SLC7A11: variants seen among roughly 807,000 people sequenced by gnomAD.
SLC7A11 encodes the protein solute carrier family 7 member 11.
A neutral mutation model predicts 54.5 loss-of-function variants in SLC7A11; 35 were observed. The ratio of observed to expected loss-of-function variants is 0.64; its 90% CI spans 0.49 to 0.85. The LOEUF (loss-of-function observed/expected upper bound fraction) is 0.85. Among genes scored for constraint, SLC7A11 ranks in the 40% least tolerant of loss-of-function variants. SLC7A11 has a pLI of 0.00. For missense variants in SLC7A11, 583 were observed against 618.1 expected, an observed-to-expected ratio of 0.94 and a Z score of 0.60; for synonymous variants, 230 against 225.2, an observed-to-expected ratio of 1.02 and a Z score of -0.19.
At chr4:138,182,036 C>T (rs1221569606) in intron 9 of SLC7A11, among the ~76,000 whole-genome samples, 1 of 152,002 alleles carries the variant, frequency 6.6e-6, no homozygotes, top group Non-Finnish European at 1.5e-5. Context: ...CCAAGCCAAT[C>T]ATTTTCCTTA....
chr4:138,241,967 G>T lies in SLC7A11; in HGVS notation c.103C>A (p.Gln35Lys). ...PSLGNKEPPG[Q>K]EKVQLKRKVT... ...TTCCTCTTCAGCTGCACTTTCTCCT[G>T]CCCAGGTGGCTCCTTGTTGCCCAGG... Residue 35 changes from glutamine to lysine, a missense_variant, in exon 1 of 12, where the codon CAG becomes AAG. Transcript: ENST00000280612. 1.2e-6 allele frequency: 2 copies of T among 1,614,128 alleles called. No individual in the cohort carries two copies. The highest frequency in any genetic ancestry group is 1.7e-6 in the Non-Finnish European group (2 of 1,180,012).
chr4:138,222,524 T>C (rs1306703046), intron 4 of SLC7A11, among the ~76,000 whole-genome samples: 1 of 152,242 alleles, frequency 6.6e-6, no homozygotes, highest in Non-Finnish European at 1.5e-5. Flanking sequence ...TCCAAGCAAC[T>C]GCATGTGCCT....
chr4:138,236,236 G>GCATGTCATGTGACTACATGATAAA, intron 2 of SLC7A11, 89 bp downstream of exon 2: 4 of 1,038,280 alleles, frequency 3.9e-6, no homozygotes, highest in African/African-American at 1.6e-5. Context: ...CACATGACAT[G>GCATGTCATGTGACTACATGATAAA]CATGTGTCTA....
chr4:138,173,427 G>A (rs1386552643), intron 11 of SLC7A11, among the ~76,000 whole-genome samples: 1 of 152,010 alleles, frequency 6.6e-6, no homozygotes, highest in Non-Finnish European at 1.5e-5. Flanking sequence ...CTGAGGTTGG[G>A]AGTTCGAGAC....
intron 6 of SLC7A11, among the ~76,000 whole-genome samples, chr4:138,191,831 C>G (rs2148420293): frequency 6.6e-6 from 1 of 152,076 alleles, no homozygotes; most frequent in East Asian, 1.9e-4. Context: ...GTTTGTCTTC[C>G]AGATACATTA....
intron 2 of SLC7A11, among the ~76,000 whole-genome samples, chr4:138,235,382 A>G (rs1738182170): frequency 6.7e-6 from 1 of 149,956 alleles, no homozygotes; most frequent in Admixed American, 6.8e-5. Context: ...TGAAGCATAT[A>G]CTACTTTGAA....
At chr4:138,232,114 C>T (rs190880500) in intron 3 of SLC7A11, among the ~76,000 whole-genome samples, 153 bp downstream of exon 3, 78 of 152,272 alleles carry the variant, frequency 5.1e-4, no homozygotes, top group Non-Finnish European at 4.4e-5. Context: ...TATTGGATCC[C>T]ACTCCAAATC....
intron 11 of SLC7A11, 114 bp downstream of exon 11, chr4:138,179,103 T>A (rs181352019): frequency 2.8e-6 from 2 of 705,456 alleles, no homozygotes; most frequent in East Asian, 5.3e-5. Context: ...CATAATGTTC[T>A]CAAATCAATT....
chr4:138,236,305 T>A lies in SLC7A11; in HGVS notation c.404+20A>T. 6.3e-7 allele frequency: 1 copy of A among 1,587,280 alleles called. No homozygotes were observed. The highest frequency in any genetic ancestry group is 8.5e-7 in the Non-Finnish European group (1 of 1,171,420). On this transcript the variant is annotated intron_variant, in intron 2 of 11. Coordinates refer to ENST00000280612, the MANE Select transcript of SLC7A11 (RefSeq NM_014331.4). ...ATGAATTGGTTTATTTTTTCTTAAT[T>A]CTTTCTACTATGCTCTTACCGTATT... is the stretch of plus-strand genomic sequence containing the variant.
chr4:138,190,404 T>C (rs1736981423), intron 6 of SLC7A11, among the ~76,000 whole-genome samples: 1 of 152,168 alleles, frequency 6.6e-6, no homozygotes, highest in African/African-American at 2.4e-5. Context: ...TATAATTATA[T>C]TAAGTACCTT....
At chr4:138,231,931 A>T (rs1027088285) in intron 3 of SLC7A11, among the ~76,000 whole-genome samples, 1 of 152,202 alleles carries the variant, frequency 6.6e-6, no homozygotes, top group African/African-American at 2.4e-5. Context: ...GATATAATTC[A>T]ATATATAGCT....
In SLC7A11 at chr4:138,232,368, G is replaced by A; in HGVS notation, c.419C>T (p.Ala140Val). 2.5e-6 allele frequency: 4 copies of A among 1,601,800 alleles called. No homozygotes were observed. The highest frequency in any genetic ancestry group is 1.7e-4 in the Middle Eastern group (1 of 6,036). The change falls in exon 3 of 12, where the codon GCT becomes GTT. Residue 140 changes from alanine (A) to valine (V), a missense_variant. Transcript: ENST00000280612. ...ELLIIRPAAT[A>V]VISLAFGRYI... ...GCGTCCAAATGCCAGGGATATCACAGCAGTAGCTGCAGGGCTAAAAAAAAA... is the reference window on the plus strand; with the variant it reads ...GCGTCCAAATGCCAGGGATATCACAACAGTAGCTGCAGGGCTAAAAAAAAA...
At chr4:138,172,283 G>T (rs1382585153) in intron 11 of SLC7A11, among the ~76,000 whole-genome samples, 1 of 152,104 alleles carries the variant, frequency 6.6e-6, no homozygotes, top group Non-Finnish European at 1.5e-5. Context: ...GACCAGAAGG[G>T]TGAAAATATT....
At chr4:138,216,500 G>T (rs777699908) in intron 5 of SLC7A11, among the ~76,000 whole-genome samples, 1 of 152,094 alleles carries the variant, frequency 6.6e-6, no homozygotes, top group Admixed American at 6.5e-5. Context: ...GCAGACATTG[G>T]CAATGTTATT....
At chr4:138,231,464 G>C (rs17050206) in intron 3 of SLC7A11, among the ~76,000 whole-genome samples, 11,463 of 152,158 alleles carry the variant, frequency 0.075, 484 homozygotes, top group African/African-American at 0.087. Flanking sequence ...TTATGCAGTT[G>C]AGTTATTCCT....
intron 1 of SLC7A11, among the ~76,000 whole-genome samples, chr4:138,237,781 C>T (rs1738275109): frequency 1.0e-5 from 1 of 96,078 alleles, no homozygotes; most frequent in African/African-American, 4.1e-5. Flanking sequence ...GATGGAGTCT[C>T]ACTCTGTCCC....
intron 6 of SLC7A11, among the ~76,000 whole-genome samples, chr4:138,198,871 T>C (rs943673615): frequency 2.6e-5 from 4 of 152,152 alleles, no homozygotes; most frequent in African/African-American, 9.7e-5. Flanking sequence ...GCATTAAAAA[T>C]GTTCTTAACT....
chr4:138,186,894 A>C (rs1192145520), intron 6 of SLC7A11, among the ~76,000 whole-genome samples: 1 of 152,144 alleles, frequency 6.6e-6, no homozygotes, highest in African/African-American at 2.4e-5. Flanking sequence ...CCATATGGGG[A>C]GTAAATTCTT....
In SLC7A11 at chr4:138,214,486, C is replaced by T. The variant is rs918096613; in HGVS notation, c.791+99G>A. ...ATGATGATGACGATGTTAAGGTTGA[C>T]TAGCCCACACTGAATTCCTTCTTCA... On this transcript the variant is annotated intron_variant, in intron 6 of 11. Coordinates refer to ENST00000280612, the MANE Select transcript of SLC7A11 (RefSeq NM_014331.4). 1.0e-5 allele frequency: 6 copies of T among 588,432 alleles called. No individual in the cohort carries two copies. The African/African-American group carries it at 1.2e-4, about 12-fold the overall frequency. 36.5% of individuals were successfully genotyped at this position (588,432 alleles called of 1,614,324 possible). A position where few individuals can be genotyped will look rare whatever the true frequency, so the allele number is the denominator to read the frequency against.
Sources: gnomAD v4.1 joint callset for allele counts (sites outside exome capture counted in the v4.1 genomes callset) on GRCh38, gnomAD v4.1.1 for gene constraint, MANE v1.5 for transcripts, NCBI Gene and HGNC (gene_info 2026-07-23, HGNC 2026-07-21) for gene names.